RAP1A: variants seen among roughly 807,000 people sequenced by gnomAD.
The protein encoded by RAP1A is ras-related protein Rap-1A.
RAP1A carries 6 observed loss-of-function variants against 26.4 expected under a neutral mutation model. The ratio of observed to expected loss-of-function variants is 0.23; its 90% CI spans 0.12 to 0.45. The LOEUF (loss-of-function observed/expected upper bound fraction) is 0.45. Ranked by LOEUF, RAP1A falls within the 20% of genes least tolerant of loss-of-function variation. The pLI, the probability that RAP1A is intolerant of heterozygous loss-of-function variation, is 0.99. For synonymous variants in RAP1A, 73 were observed against 79.4 expected, an observed-to-expected ratio of 0.92 and a Z score of 0.43; for missense variants, 121 against 217.2, an observed-to-expected ratio of 0.56 and a Z score of 2.78.
At chr1:111,562,045 C>T (rs1657762021) in intron 1 of RAP1A, among the ~76,000 whole-genome samples, 1 of 152,118 alleles carries the variant, frequency 6.6e-6, no homozygotes, top group Non-Finnish European at 1.5e-5. Context: ...AATCTTTTTT[C>T]TCAACTGGGA....
intron 1 of RAP1A, among the ~76,000 whole-genome samples, chr1:111,644,097 A>C (rs1166425462): frequency 3.9e-5 from 6 of 152,192 alleles, no homozygotes; most frequent in African/African-American, 1.4e-4. Flanking sequence ...TTTAGATAAT[A>C]CCTTCATGGC....
At chr1:111,605,368 T>A (rs1216200956) in intron 1 of RAP1A, among the ~76,000 whole-genome samples, 7 of 152,206 alleles carry the variant, frequency 4.6e-5, no homozygotes, top group Admixed American at 6.5e-5. Flanking sequence ...TCTCAAAAAA[T>A]ATTCACTGAG....
At chr1:111,596,623 C>T (rs1658568568) in intron 1 of RAP1A, among the ~76,000 whole-genome samples, 1 of 152,182 alleles carries the variant, frequency 6.6e-6, no homozygotes, top group Admixed American at 6.5e-5. Context: ...TTATGAACAT[C>T]AGAAATTTAT....
chr1:111,671,134 T>C (rs1164775316), intron 1 of RAP1A, among the ~76,000 whole-genome samples: 1 of 152,156 alleles, frequency 6.6e-6, no homozygotes, highest in Non-Finnish European at 1.5e-5. Flanking sequence ...ACCTGAGAAA[T>C]TGTGGAAACC....
At chr1:111,611,046 TG>T (rs760605341) in intron 1 of RAP1A, among the ~76,000 whole-genome samples, 4 of 152,222 alleles carry the variant, frequency 2.6e-5, no homozygotes, top group Admixed American at 1.3e-4. Context: ...TTACAAGAAC[TG>T]GAACTGTCTG....
intron 1 of RAP1A, among the ~76,000 whole-genome samples, chr1:111,551,756 G>A (rs1657267506): frequency 3.4e-5 from 1 of 29,758 alleles, no homozygotes; most frequent in Non-Finnish European, 4.4e-4. Context: ...GTTTTGTTTT[G>A]TTTTGTTTTG....
chr1:111,674,006 T>G (rs2101189415), intron 1 of RAP1A, among the ~76,000 whole-genome samples: 1 of 152,328 alleles, frequency 6.6e-6, no homozygotes, highest in East Asian at 1.9e-4. Context: ...AATATTTTGT[T>G]GTTGCAGAAT....
intron 1 of RAP1A, among the ~76,000 whole-genome samples, chr1:111,641,648 TGC>T (rs1419680438): frequency 1.3e-5 from 2 of 152,116 alleles, no homozygotes; most frequent in Admixed American, 6.5e-5. Flanking sequence ...TGTGTGTGTG[TGC>T]GCGCGCATGC....
At chr1:111,688,822 G>GTTTTT (rs767753356) in intron 1 of RAP1A, among the ~76,000 whole-genome samples, 10 of 90,048 alleles carry the variant, frequency 1.1e-4, no homozygotes, top group South Asian at 3.4e-4. Context: ...TTTTTTTTTT[G>GTTTTT]TTTTTTTTTT....
At position 111,609,240 on chromosome 1, in the gene RAP1A, G is replaced by C. The variant is rs78173116; in HGVS notation, c.-28+66731G>C. Among the ~76,000 whole-genome samples, 6 of 152,254 alleles carry C rather than the reference G, an allele frequency of 3.9e-5. 1 individual carries two copies. The highest frequency in any genetic ancestry group is 1.4e-4 in the African/African-American group (6 of 41,538). On this transcript the variant is annotated intron_variant, in intron 1 of 7. Transcript: ENST00000356415. Reference sequence around the variant, plus strand: ...TACACCTTGAACCCTGGGTGCAGGAGGCAAGGGAAGGATTTGAGAATGCTT... The same window carrying C: ...TACACCTTGAACCCTGGGTGCAGGACGCAAGGGAAGGATTTGAGAATGCTT...
chr1:111,695,244 C>A lies in RAP1A; in HGVS notation c.58-97C>A, dbSNP rs936401263. On this transcript the variant is annotated intron_variant, in intron 2 of 7. Coordinates refer to ENST00000369709, the MANE Select transcript of RAP1A (RefSeq NM_002884.4). ...CATTTACGTGTTTACCCAGAATTTT[C>A]ACATAATTTCAATTAATCATTATAA... 10 of 893,282 alleles carry A rather than the reference C, an allele frequency of 1.1e-5. No homozygotes were observed. The African/African-American group carries it at 1.3e-4, about 11-fold the overall frequency. The allele number at this position is 893,282 out of a possible 1,614,324, so 55.3% of individuals were successfully genotyped here.
At chr1:111,572,972 T>A (rs1159752594) in intron 1 of RAP1A, among the ~76,000 whole-genome samples, 1 of 152,182 alleles carries the variant, frequency 6.6e-6, no homozygotes, top group African/African-American at 2.4e-5. Context: ...ATCATTTAGT[T>A]CCCACTTATA....
intron 1 of RAP1A, among the ~76,000 whole-genome samples, chr1:111,652,395 A>C (rs1325100748): frequency 6.6e-6 from 1 of 152,210 alleles, no homozygotes; most frequent in African/African-American, 2.4e-5. Context: ...TAATTATGAA[A>C]CAGTTAGAGG....
chr1:111,697,431 G>GC lies in RAP1A; in HGVS notation c.127-5dup. The GC allele has an allele frequency of 6.8e-7, 1 of 1,471,804 alleles. No homozygotes were observed. The highest frequency in any genetic ancestry group is 1.7e-5 in the African/African-American group (1 of 58,644). The allele number at this position is 1,471,804 out of a possible 1,614,324, so 91.2% of individuals were successfully genotyped here. A position where few individuals can be genotyped will look rare whatever the true frequency, so the allele number is the denominator to read the frequency against. ...ACTCTTTAACCTTTTTTTTTTTTTT[G>GC]CCCCCACAGCAAGTTGAAGTCGATT... On this transcript the variant is annotated splice_polypyrimidine_tract_variant and intron_variant, in intron 3 of 7. Coordinates refer to ENST00000369709, the MANE Select transcript of RAP1A (RefSeq NM_002884.4).
intron 1 of RAP1A, among the ~76,000 whole-genome samples, chr1:111,683,097 A>G (rs1661352203): frequency 6.6e-6 from 1 of 152,228 alleles, no homozygotes; most frequent in South Asian, 2.1e-4. Flanking sequence ...TAAGGCAGAA[A>G]TAAATAAGTT....
intron 1 of RAP1A, among the ~76,000 whole-genome samples, chr1:111,595,496 G>A (rs1307268473): frequency 3.3e-5 from 5 of 152,108 alleles, no homozygotes; most frequent in African/African-American, 7.2e-5. Context: ...TTTTCAATGA[G>A]TGAAAAAAAA....
chr1:111,688,026 C>CTAAAAAA (rs1661541086), intron 1 of RAP1A, among the ~76,000 whole-genome samples: 1 of 51,710 alleles, frequency 1.9e-5, no homozygotes, highest in African/African-American at 1.1e-4. Flanking sequence ...GACCCTGTCT[C>CTAAAAAA]AAAAAAAAAA....
At chr1:111,625,924 G>A (rs1049621884) in intron 1 of RAP1A, among the ~76,000 whole-genome samples, 1 of 152,120 alleles carries the variant, frequency 6.6e-6, no homozygotes, top group Non-Finnish European at 1.5e-5. Flanking sequence ...CTACAGGCGT[G>A]TGCCACCACA....
At chr1:111,704,653 G>A (rs1662129374) in intron 6 of RAP1A, among the ~76,000 whole-genome samples, 167 bp downstream of exon 6, 2 of 152,100 alleles carry the variant, frequency 1.3e-5, no homozygotes, top group South Asian at 2.1e-4. Context: ...GCTTGCATAA[G>A]GTCACTTTGA....
Sources: gnomAD v4.1 joint callset for allele counts (sites outside exome capture counted in the v4.1 genomes callset) on GRCh38, gnomAD v4.1.1 for gene constraint, MANE v1.5 for transcripts, NCBI Gene and HGNC (gene_info 2026-07-23, HGNC 2026-07-21) for gene names.